Variants in WT1 observed in about 807,000 individuals in gnomAD.
WT1 encodes Wilms tumor protein.
A neutral mutation model predicts 60.8 loss-of-function variants in WT1; 8 were observed. The ratio of observed to expected loss-of-function variants is 0.13; its 90% CI spans 0.08 to 0.24. The LOEUF (loss-of-function observed/expected upper bound fraction) is 0.24, where lower values mean the gene tolerates loss of function less well. Ranked by LOEUF, WT1 falls within the 10% of genes least tolerant of loss-of-function variation. WT1 has a pLI of 1.00. For missense variants in WT1, 568 were observed against 711.8 expected (o/e 0.80, Z 2.30); for synonymous variants, 312 against 297.1 (o/e 1.05, Z -0.52).
At chr11:32,420,514 A>G (rs909963191) in intron 3 of WT1, among the ~76,000 whole-genome samples, 11 of 152,166 alleles carry the variant, frequency 7.2e-5, no homozygotes, top group Non-Finnish European at 1.3e-4. Flanking sequence ...ACACATTCTC[A>G]ATACTGCTCA....
chr11:32,402,924 A>C (rs930217164), intron 5 of WT1, among the ~76,000 whole-genome samples: 1 of 152,196 alleles, frequency 6.6e-6, no homozygotes, highest in Non-Finnish European at 1.5e-5. Flanking sequence ...AAGGGTAAAA[A>C]TTAGAAATCT....
rs2132896096 is a variant in WT1 at position 32,389,010 on chromosome 11, C to A, written c.*48G>T. The stretch of plus-strand genomic sequence containing the variant: ...TGGAGAGTCAGACTTGAAAGCAGTT[C>A]ACACACTGTGCTGCCTGGGACACTG... On this transcript the variant is annotated 3_prime_UTR_variant, in exon 10 of 10. Coordinates refer to ENST00000452863, the MANE Select transcript of WT1 (RefSeq NM_024426.6). The A allele has an allele frequency of 6.2e-7, 1 of 1,613,738 alleles. No homozygotes were observed. The highest frequency in any genetic ancestry group is 1.1e-5 in the South Asian group (1 of 91,008).
At position 32,435,310 on chromosome 11, in the gene WT1, C is replaced by T. The variant is rs1590411695; in HGVS notation, c.51G>A (p.Pro17=). 6 of 1,532,810 alleles carry T rather than the reference C, an allele frequency of 3.9e-6. No homozygotes were observed. The highest frequency in any genetic ancestry group is 5.2e-6 in the Non-Finnish European group (6 of 1,146,274). 95.0% of individuals were successfully genotyped at this position (1,532,810 alleles called of 1,614,324 possible). A position where few individuals can be genotyped will look rare whatever the true frequency, so the allele number is the denominator to read the frequency against. Reference sequence around the variant, plus strand: ...CGGAGCGGAGCGTGTGCTGAGACGCCGGCTCCGGGACACACGTGGAAGCCG... The same window carrying T: ...CGGAGCGGAGCGTGTGCTGAGACGCTGGCTCCGGGACACACGTGGAAGCCG... Residue 17 remains proline (P), a synonymous_variant, in exon 1 of 10, where the codon CCG becomes CCA. Transcript: ENST00000452863.
intron 5 of WT1, among the ~76,000 whole-genome samples, chr11:32,410,400 A>G (rs1852459469): frequency 6.6e-6 from 1 of 152,214 alleles, no homozygotes; most frequent in Non-Finnish European, 1.5e-5. Flanking sequence ...CTTTTGCAGC[A>G]GAACTCCATG....
intron 6 of WT1, among the ~76,000 whole-genome samples, chr11:32,399,025 G>T (rs5030267): frequency 6.6e-6 from 1 of 151,362 alleles, no homozygotes; most frequent in South Asian, 2.1e-4. Flanking sequence ...GCGTGGTGGT[G>T]GGCACCTGTA....
chr11:32,404,112 A>G (rs1384083706), intron 5 of WT1, among the ~76,000 whole-genome samples: 3 of 151,666 alleles, frequency 2.0e-5, no homozygotes, highest in Non-Finnish European at 4.4e-5. Context: ...CTCTACAAAA[A>G]TACAAAAATT....
intron 8 of WT1, 57 bp downstream of exon 8, chr11:32,392,609 A>C: frequency 1.3e-6 from 2 of 1,540,096 alleles, no homozygotes; most frequent in East Asian, 4.5e-5. Flanking sequence ...AGAATCATGA[A>C]ATCAACCCTA....
chr11:32,427,349 C>G (rs5030176), intron 3 of WT1, among the ~76,000 whole-genome samples: 78,656 of 152,164 alleles, frequency 0.52, 23,386 homozygotes, highest in African/African-American at 0.8. Context: ...TTGGGCCTCC[C>G]GCTCACAGGA....
chr11:32,428,658 C>T (rs748690108), intron 1 of WT1, 39 bp from the exon 2 acceptor site: 3 of 1,603,662 alleles, frequency 1.9e-6, no homozygotes, highest in Non-Finnish European at 2.5e-6. Context: ...GTCAGCGGTG[C>T]TCTCGCAAGA....
chr11:32,392,808 A>C, intron 7 of WT1, 53 bp from the exon 8 acceptor site: 534 of 1,533,220 alleles, frequency 3.5e-4, no homozygotes, highest in Non-Finnish European at 4.2e-4. Context: ...AGGGGATCTC[A>C]TTAAAGGCAA....
At chr11:32,396,554 C>T (rs1334919173) in intron 6 of WT1, 147 bp from the exon 7 acceptor site, 2 of 983,764 alleles carry the variant, frequency 2.0e-6, no homozygotes, top group East Asian at 2.6e-5. Flanking sequence ...CTCCAGATCC[C>T]CATGGCAGAC....
intron 3 of WT1, among the ~76,000 whole-genome samples, chr11:32,427,657 G>A (rs1394763925): frequency 6.6e-6 from 1 of 152,258 alleles, no homozygotes; most frequent in Non-Finnish European, 1.5e-5. Flanking sequence ...TAGTCCCGAT[G>A]AAGGTAAATT....
At chr11:32,429,472 C>CA (rs1211993363) in intron 1 of WT1, among the ~76,000 whole-genome samples, 1 of 147,860 alleles carries the variant, frequency 6.8e-6, no homozygotes, top group Non-Finnish European at 1.5e-5. Flanking sequence ...TCCCCCCCCC[C>CA]CCCAAAGTGA....
rs111667510 is a variant in WT1 at position 32,414,245 on chromosome 11, C to T, written c.1016+2245G>A. Among the ~76,000 whole-genome samples the T allele has an allele frequency of 1.4e-4, 21 of 152,200 alleles. 1 individual carries two copies. Among genetic ancestry groups the T allele is most frequent in the African/African-American group, 4.1e-4 (17 of 41,538 alleles). ...CAGCTCCCTGAATAAAGTTAATATTCGAGAAATATACATATATATTGTGTT... is the reference window on the plus strand; with the variant it reads ...CAGCTCCCTGAATAAAGTTAATATTTGAGAAATATACATATATATTGTGTT... On this transcript the variant is annotated intron_variant, in intron 5 of 9. Coordinates refer to ENST00000452863, the MANE Select transcript of WT1 (RefSeq NM_024426.6).
At chr11:32,425,055 A>G (rs145301479) in intron 3 of WT1, among the ~76,000 whole-genome samples, 31 of 152,110 alleles carry the variant, frequency 2.0e-4, no homozygotes, top group African/African-American at 7.2e-4. Context: ...GCCAGCACCT[A>G]TAATCTCAGC....
chr11:32,423,851 C>T (rs932147906), intron 3 of WT1, among the ~76,000 whole-genome samples: 3 of 152,182 alleles, frequency 2.0e-5, no homozygotes, highest in East Asian at 1.9e-4. Flanking sequence ...AGCATGTGCT[C>T]TTATGATTTA....
In WT1 at chr11:32,388,920, C is replaced by G; in HGVS notation, c.*138G>C. The stretch of plus-strand genomic sequence containing the variant: ...CACACCTGGTAGTTTCCAGAAGCAC[C>G]GGTATCTTGTCTTGGAAGTTGGATG... On this transcript the variant is annotated 3_prime_UTR_variant, in exon 10 of 10. Transcript: ENST00000452863. The G allele has an allele frequency of 6.7e-7, 1 of 1,485,848 alleles. No homozygotes were observed. Among genetic ancestry groups the G allele is most frequent in the Non-Finnish European group, 9.1e-7 (1 of 1,093,076 alleles). 92.0% of individuals were successfully genotyped at this position (1,485,848 alleles called of 1,614,324 possible).
chr11:32,419,880 C>T (rs1590379176), intron 3 of WT1, among the ~76,000 whole-genome samples: 2 of 152,048 alleles, frequency 1.3e-5, no homozygotes, highest in Admixed American at 1.3e-4. Flanking sequence ...TTTTAGTAGA[C>T]ATGGGGTTTC....
intron 5 of WT1, among the ~76,000 whole-genome samples, chr11:32,404,495 C>T (rs950773475): frequency 1.3e-5 from 2 of 151,896 alleles, no homozygotes; most frequent in Non-Finnish European, 2.9e-5. Context: ...CTGGGGCAGG[C>T]AGGTAAAGTC....
Sources: allele counts gnomAD v4.1 joint callset (sites outside exome capture counted in the v4.1 genomes callset), GRCh38; gene constraint gnomAD v4.1.1; transcripts MANE v1.5; gene names NCBI Gene and HGNC (gene_info 2026-07-23, HGNC 2026-07-21).